Variants in VWA8 observed in about 807,000 individuals in gnomAD.
VWA8 encodes von Willebrand factor A domain-containing protein 8.
In VWA8, 221 loss-of-function variants were observed where a neutral mutation model predicts 241.5. The ratio of observed to expected loss-of-function variants is 0.91; its 90% CI spans 0.82 to 1.02. The LOEUF (loss-of-function observed/expected upper bound fraction) is 1.02, where lower values mean the gene tolerates loss of function less well. Among genes scored for constraint, VWA8 ranks in the 50% least tolerant of loss-of-function variants. The probability of loss-of-function intolerance (pLI) is 0.00; values close to 1 mark genes in which losing one functional copy is unlikely to be tolerated. For synonymous variants in VWA8, 852 were observed against 827.1 expected, an observed-to-expected ratio of 1.03 and a Z score of -0.52; for missense variants, 2,322 against 2,328.7, an observed-to-expected ratio of 1.00 and a Z score of 0.06.
intron 35 of VWA8, among the ~76,000 whole-genome samples, chr13:41,683,143 A>G (rs1457321226): frequency 6.6e-6 from 1 of 152,172 alleles, no homozygotes; most frequent in African/African-American, 2.4e-5. Flanking sequence ...ACAAATGTTC[A>G]TAGTGGCCTT....
At chr13:41,630,709 TTA>T (rs768176811) in intron 37 of VWA8, among the ~76,000 whole-genome samples, 21 of 151,982 alleles carry the variant, frequency 1.4e-4, no homozygotes, top group Non-Finnish European at 2.5e-4. Context: ...GAGCAAAACT[TTA>T]TATATTTTAC....
intron 2 of VWA8, among the ~76,000 whole-genome samples, 195 bp downstream of exon 2, chr13:41,949,741 G>A (rs1878037270): frequency 6.6e-6 from 1 of 152,106 alleles, no homozygotes; most frequent in Non-Finnish European, 1.5e-5. Context: ...GAAGTAATAG[G>A]ATGTCTGGGA....
At chr13:41,855,039 T>C (rs531857880) in intron 12 of VWA8, among the ~76,000 whole-genome samples, 1 of 152,222 alleles carries the variant, frequency 6.6e-6, no homozygotes, top group South Asian at 2.1e-4. Context: ...CACTGTGTGC[T>C]AAACAGCATA....
intron 12 of VWA8, among the ~76,000 whole-genome samples, chr13:41,858,621 A>G (rs1222168600): frequency 6.6e-6 from 1 of 152,148 alleles, no homozygotes; most frequent in African/African-American, 2.4e-5. Context: ...CAAAAAAAAA[A>G]AGAGAGAGAG....
chr13:41,597,423 T>C (rs1472956404), intron 40 of VWA8, among the ~76,000 whole-genome samples: 1 of 152,150 alleles, frequency 6.6e-6, no homozygotes, highest in Non-Finnish European at 1.5e-5. Flanking sequence ...CTTAGGTTCC[T>C]AGGTGCTCTC....
intron 2 of VWA8, among the ~76,000 whole-genome samples, chr13:41,949,031 TAA>T (rs35506856): frequency 0.032 from 2,015 of 63,488 alleles, 19 homozygotes; most frequent in African/African-American, 0.12. Context: ...TCTACCATCA[TAA>T]AAAAAAAAAA....
intron 43 of VWA8, among the ~76,000 whole-genome samples, chr13:41,573,486 A>AATATATATATATATATATAT (rs1555303590): frequency 3.5e-5 from 4 of 113,610 alleles, no homozygotes; most frequent in Admixed American, 1.0e-4. Flanking sequence ...AAAAAAAAAA[A>AATATATATATATATATATAT]ATATATATAT....
chr13:41,956,077 T>C (rs982361381), intron 1 of VWA8, among the ~76,000 whole-genome samples: 1 of 152,156 alleles, frequency 6.6e-6, no homozygotes, highest in African/African-American at 2.4e-5. Flanking sequence ...AACAGTAGCT[T>C]TGACAAAGAA....
chr13:41,784,653 A>G (rs1017504632), intron 18 of VWA8, among the ~76,000 whole-genome samples: 3 of 123,996 alleles, frequency 2.4e-5, no homozygotes, highest in Admixed American at 1.7e-4. Context: ...ACAGAGTGCA[A>G]CCTTGTCTCT....
intron 19 of VWA8, 92 bp from the exon 20 acceptor site, chr13:41,778,148 A>T: frequency 2.5e-6 from 2 of 795,896 alleles, no homozygotes; most frequent in Non-Finnish European, 3.6e-6. Flanking sequence ...GAATATAAAT[A>T]TCTATTATAA....
In VWA8 at chr13:41,883,417, T is replaced by G. The variant is rs199583559; in HGVS notation, c.1050A>C (p.Glu350Asp). Residue 350 changes from glutamate to aspartate, a missense_variant, in exon 9 of 45, where the codon GAA becomes GAC. Physicochemically the swap from Glu to Asp is conservative, Grantham distance 45. Transcript: ENST00000379310. ...LYPYSILLGH[E>D]GKMAVEGVLK... ...AAACACCTTCCACAGCCATCTTCCC[T>G]TCATGACCTAGTAAAATACTATATG... is the stretch of plus-strand genomic sequence containing the variant. The G allele has an allele frequency of 1.1e-5, 17 of 1,613,568 alleles. No individual in the cohort carries two copies. In the Admixed American group the frequency reaches 2.3e-4, roughly 22 times the overall value.
At chr13:41,913,959 C>T (rs905782321) in intron 2 of VWA8, among the ~76,000 whole-genome samples, 3 of 152,192 alleles carry the variant, frequency 2.0e-5, no homozygotes, top group Admixed American at 6.5e-5. Context: ...TTGTGGTCCT[C>T]GGCCAGGCAT....
chr13:41,792,043 T>TA (rs1461817115), intron 17 of VWA8, among the ~76,000 whole-genome samples: 1 of 151,940 alleles, frequency 6.6e-6, no homozygotes, highest in African/African-American at 2.4e-5. Context: ...ATTTAAAGTA[T>TA]AAAATGATAG....
intron 4 of VWA8, among the ~76,000 whole-genome samples, chr13:41,905,861 G>T (rs1875687897): frequency 6.6e-6 from 1 of 152,044 alleles, no homozygotes; most frequent in Admixed American, 6.6e-5. Flanking sequence ...TAATTCTGTT[G>T]TATGAGTTGG....
In VWA8 at chr13:41,590,662, C is replaced by T. The variant is rs1306156162; in HGVS notation, c.5090G>A (p.Arg1697His). The change falls in exon 41 of 45, where the codon CGT becomes CAT. Residue 1697 changes from arginine to histidine, a missense_variant. Transcript: ENST00000379310. ...GLTGEKAIYK[R>H]RGELEPQLGS... ...TACTTGTGGCTCCAGCTCACCCCGA[C>T]GTTTGTAGATGGCTTTTTCTCCAGT... 2.8e-5 allele frequency: 45 copies of T among 1,614,020 alleles called. No individual in the cohort carries two copies. In the Middle Eastern group the frequency reaches 6.6e-4, roughly 24 times the overall value.
At position 41,817,962 on chromosome 13, in the gene VWA8, C is replaced by T. The variant is rs934936164; in HGVS notation, c.1870-1187G>A. Among the ~76,000 whole-genome samples the T allele has an allele frequency of 8.6e-5, 13 of 151,408 alleles. No individual in the cohort carries two copies. In the South Asian group the frequency reaches 1.7e-3, roughly 19 times the overall value. On this transcript the variant is annotated intron_variant, in intron 15 of 44. Transcript: ENST00000379310. ...GAGTACTTGAAAAGTGACTGAGAAGCGGAATTTTTTTTTTTTTCGAGACGG... is the reference window on the plus strand; with the variant it reads ...GAGTACTTGAAAAGTGACTGAGAAGTGGAATTTTTTTTTTTTTCGAGACGG...
intron 37 of VWA8, among the ~76,000 whole-genome samples, chr13:41,652,782 T>C (rs2139689068): frequency 6.6e-6 from 1 of 152,326 alleles, no homozygotes; most frequent in South Asian, 2.1e-4. Context: ...AAGCCTTTCA[T>C]TTGATAGCCA....
intron 21 of VWA8, among the ~76,000 whole-genome samples, chr13:41,745,165 G>A (rs1017706060): frequency 2.6e-5 from 4 of 151,826 alleles, no homozygotes; most frequent in Non-Finnish European, 5.9e-5. Context: ...TATACTTTAA[G>A]TTCTAGGGTA....
chr13:41,652,101 G>T (rs1199981070), intron 37 of VWA8, among the ~76,000 whole-genome samples: 1 of 152,202 alleles, frequency 6.6e-6, no homozygotes, highest in Non-Finnish European at 1.5e-5. Context: ...GGTAGTGACT[G>T]CCTTCCTATA....
Sources: gnomAD v4.1 joint callset for allele counts (sites outside exome capture counted in the v4.1 genomes callset) on GRCh38, gnomAD v4.1.1 for gene constraint, MANE v1.5 for transcripts, NCBI Gene and HGNC (gene_info 2026-07-23, HGNC 2026-07-21) for gene names.